APPL2: variants seen among roughly 807,000 people sequenced by gnomAD.
APPL2 encodes the protein DCC-interacting protein 13-beta.
A neutral mutation model predicts 92.7 loss-of-function variants in APPL2; 84 were observed. That is an observed-to-expected ratio of 0.91 (90% CI 0.76 to 1.09). The LOEUF is 1.09. APPL2 is among the 50% of genes least tolerant of loss of function. The pLI, the probability that APPL2 is intolerant of heterozygous loss-of-function variation, is 0.00. For missense variants in APPL2, 736 were observed against 824.5 expected, an observed-to-expected ratio of 0.89 and a Z score of 1.31; for synonymous variants, 291 against 291.0, an observed-to-expected ratio of 1.00 and a Z score of 0.00.
Position 105,195,773 on chromosome 12 carries a change from G to A in APPL2, c.1053-146C>T. On this transcript the variant is annotated intron_variant, in intron 11 of 20. Coordinates refer to ENST00000258530, the MANE Select transcript of APPL2 (RefSeq NM_018171.5). ...AGAGGGAAAGAAAATGGGGTTCCAG[G>A]GCCAGGTGCAGTGGCTCATGCCTGC... 7.0e-6 allele frequency: 6 copies of A among 862,464 alleles called. 1 individual carries two copies. In the South Asian group the frequency reaches 7.5e-5, roughly 11 times the overall value. 53.4% of individuals were successfully genotyped at this position (862,464 alleles called of 1,614,324 possible). A position where few individuals can be genotyped will look rare whatever the true frequency, so the allele number is the denominator to read the frequency against.
chr12:105,233,328 T>G (rs1891055382), intron 1 of APPL2: 1 of 985,336 alleles, frequency 1.0e-6, no homozygotes, highest in East Asian at 1.1e-4. Context: ...GATTTCTTAA[T>G]CCCTAAAATG....
Position 105,195,357 on chromosome 12 carries a change from T to A in APPL2, c.1153-8A>T, listed in dbSNP as rs1233378573. ...CAACTTGATCGCGACTGCCTAAAAA[T>A]CCACAGGAAGACACACTCAGTCCCA... is the stretch of plus-strand genomic sequence containing the variant. On this transcript the variant is annotated splice_polypyrimidine_tract_variant and splice_region_variant and intron_variant, in intron 13 of 20. Transcript: ENST00000258530. 11 of 1,614,136 alleles carry A rather than the reference T, an allele frequency of 6.8e-6. No homozygotes were observed. Among genetic ancestry groups the A allele is most frequent in the Non-Finnish European group, 8.5e-6 (10 of 1,180,006 alleles).
In APPL2 at chr12:105,217,685, A is replaced by C. The variant is rs762143618; in HGVS notation, c.194T>G (p.Leu65Arg). ...CLATQQLSKQ[L>R]LAYEKQNFAL... The stretch of plus-strand genomic sequence containing the variant: ...AGTTACCTGTTTTTCATATGCCAGC[A>C]GTTGCTTAGAAAGCTGTTGTGTGGC... Residue 65 changes from leucine to arginine, a missense_variant, in exon 3 of 21, where the codon CTG becomes CGG. Transcript: ENST00000258530. 1 of 1,614,040 alleles carries C rather than the reference A, an allele frequency of 6.2e-7. No individual in the cohort carries two copies. The highest frequency in any genetic ancestry group is 8.5e-7 in the Non-Finnish European group (1 of 1,180,038).
chr12:105,177,530 G>A (rs1885672911), intron 17 of APPL2: 2 of 492,704 alleles, frequency 4.1e-6, no homozygotes, highest in Non-Finnish European at 7.3e-6. Context: ...TACCCAAACA[G>A]ACAGCATTAT....
chr12:105,188,833 A>G (rs1230750557), intron 16 of APPL2, among the ~76,000 whole-genome samples: 1 of 152,196 alleles, frequency 6.6e-6, no homozygotes, highest in Non-Finnish European at 1.5e-5. Flanking sequence ...CTTAGAAAAG[A>G]AATTTTATTT....
At position 105,195,282 on chromosome 12, in the gene APPL2, T is replaced by A; in HGVS notation, c.1220A>T (p.Lys407Ile). 1.2e-6 allele frequency: 2 copies of A among 1,614,214 alleles called. No individual in the cohort carries two copies. Among genetic ancestry groups the A allele is most frequent in the East Asian group, 4.5e-5 (2 of 44,892 alleles). ...TTACCTGGGGCATGAGCTTTCTTGT[T>A]TTTTTCCAAAACTTGTAATGGGAGT... is the stretch of plus-strand genomic sequence containing the variant. ...AVTPITSFGK[K>I]QESSCPSQNL... The change falls in exon 14 of 21, where the codon AAA (lysine) becomes ATA (isoleucine). Residue 407 changes from lysine to isoleucine, a missense_variant. Physicochemically the swap from Lys to Ile is moderately radical, Grantham distance 102 (BLOSUM62 -3). Coordinates refer to ENST00000258530, the MANE Select transcript of APPL2 (RefSeq NM_018171.5).
chr12:105,211,721 A>T (rs966498054), intron 4 of APPL2, among the ~76,000 whole-genome samples: 1 of 151,796 alleles, frequency 6.6e-6, no homozygotes, highest in Non-Finnish European at 1.5e-5. Flanking sequence ...CGACTCTCTC[A>T]CTCTCCAGGG....
intron 2 of APPL2, among the ~76,000 whole-genome samples, chr12:105,221,854 G>A (rs1890124234): frequency 6.6e-6 from 1 of 152,192 alleles, no homozygotes; most frequent in Admixed American, 6.5e-5. Context: ...CTGGGCATTT[G>A]GCAAAGGAAT....
chr12:105,217,234 G>A (rs1471705516), intron 3 of APPL2, 94 bp from the exon 4 acceptor site: 3 of 764,546 alleles, frequency 3.9e-6, no homozygotes, highest in East Asian at 2.6e-5. Context: ...CCACACCGAC[G>A]TCCTTTCTTC....
At chr12:105,224,504 A>C (rs1890351788) in intron 2 of APPL2, among the ~76,000 whole-genome samples, 1 of 152,206 alleles carries the variant, frequency 6.6e-6, no homozygotes, top group South Asian at 2.1e-4. Flanking sequence ...AGTGGTTAAG[A>C]GCGAACGCAG....
intron 9 of APPL2, among the ~76,000 whole-genome samples, chr12:105,202,344 TG>T (rs1888285318): frequency 6.6e-6 from 1 of 152,074 alleles, no homozygotes; most frequent in Admixed American, 6.5e-5. Flanking sequence ...TAATGGTTAA[TG>T]GAAATGCTGA....
intron 17 of APPL2, among the ~76,000 whole-genome samples, chr12:105,186,631 T>TCG (rs1566055989): frequency 1.1e-4 from 13 of 121,736 alleles, no homozygotes; most frequent in Middle Eastern, 8.1e-3. Context: ...ATATATCATA[T>TCG]ATATCATATA....
intron 5 of APPL2, among the ~76,000 whole-genome samples, chr12:105,210,322 G>A (rs367711496): frequency 1.3e-5 from 2 of 151,948 alleles, no homozygotes; most frequent in Non-Finnish European, 2.9e-5. Context: ...AACCCCCGCC[G>A]CAAAAAAAGC....
At chr12:105,219,829 C>T (rs1889962421) in intron 2 of APPL2, among the ~76,000 whole-genome samples, 1 of 152,214 alleles carries the variant, frequency 6.6e-6, no homozygotes, top group Non-Finnish European at 1.5e-5. Context: ...CTCCTTCTTT[C>T]TGAGTTAGCA....
In APPL2 at chr12:105,173,973, T is replaced by C. The variant is rs1885228157; in HGVS notation, c.*341A>G. The stretch of plus-strand genomic sequence containing the variant: ...TGTAAATCTAGGCTTTTGCCATTTT[T>C]TAAAAAGGATACTGGAAACTGAAAA... On this transcript the variant is annotated 3_prime_UTR_variant, in exon 21 of 21. Transcript: ENST00000258530. 1 of 166,682 alleles carries C rather than the reference T, an allele frequency of 6.0e-6. No individual in the cohort carries two copies. The highest frequency in any genetic ancestry group is 1.7e-4 in the East Asian group (1 of 5,956). 10.3% of individuals were successfully genotyped at this position (166,682 alleles called of 1,614,324 possible).
At chr12:105,218,954 T>C (rs1465980426) in intron 2 of APPL2, among the ~76,000 whole-genome samples, 1 of 152,242 alleles carries the variant, frequency 6.6e-6, no homozygotes, top group East Asian at 1.9e-4. Flanking sequence ...ACAGCGGTTT[T>C]CTACCACTAT....
intron 1 of APPL2, chr12:105,233,451 T>A: frequency 1.0e-6 from 1 of 968,106 alleles, no homozygotes; most frequent in Non-Finnish European, 1.2e-6. Flanking sequence ...CATGAATAGA[T>A]GTGTCTAAGG....
At chr12:105,221,354 T>C (rs1890088767) in intron 2 of APPL2, among the ~76,000 whole-genome samples, 1 of 152,230 alleles carries the variant, frequency 6.6e-6, no homozygotes, top group South Asian at 2.1e-4. Context: ...AGTGCACCCA[T>C]GAAGTAGATA....
Position 105,211,254 on chromosome 12 carries a change from G to A in APPL2, c.349C>T (p.Gln117Ter), listed in dbSNP as rs1318355395. 6.2e-7 allele frequency: 1 copy of A among 1,613,708 alleles called. No individual in the cohort carries two copies. The highest frequency in any genetic ancestry group is 8.5e-7 in the Non-Finnish European group (1 of 1,179,600). Reference protein sequence around the residue: ...LADTMVLPIIQFREKDLTEVS... With the variant: ...LADTMVLPII ...CCTGTGAGATCCTTTTCTCGGAATTGTATGATAGGTAGAACCATTGTGTCT... is the reference window on the plus strand; with the variant it reads ...CCTGTGAGATCCTTTTCTCGGAATTATATGATAGGTAGAACCATTGTGTCT... The change falls in exon 5 of 21, where the codon CAA becomes TAA. Residue 117 changes from glutamine (Q) to a stop codon, truncating the protein, a stop_gained. Transcript: ENST00000258530. LOFTEE classifies it high-confidence loss of function.
Sources: allele counts gnomAD v4.1 joint callset (sites outside exome capture counted in the v4.1 genomes callset), GRCh38; gene constraint gnomAD v4.1.1; transcripts MANE v1.5; gene names NCBI Gene and HGNC (gene_info 2026-07-23, HGNC 2026-07-21).